Variants in PLXDC1 observed in about 807,000 individuals in gnomAD.
PLXDC1 encodes plexin domain-containing protein 1.
Under a neutral mutation model 61.3 loss-of-function variants are expected in PLXDC1, and 39 were observed. The observed-to-expected ratio is 0.64, with a 90% CI of 0.49 to 0.83. The LOEUF (loss-of-function observed/expected upper bound fraction) is 0.83, where lower values mean the gene tolerates loss of function less well. Among genes scored for constraint, PLXDC1 ranks in the 40% least tolerant of loss-of-function variants. The pLI is 0.00. For synonymous variants in PLXDC1, 212 were observed against 254.5 expected (o/e 0.83, Z 1.59); for missense variants, 596 against 666.5 (o/e 0.89, Z 1.17).
chr17:39,148,669 A>G (rs1189296134), intron 1 of PLXDC1, among the ~76,000 whole-genome samples: 1 of 152,174 alleles, frequency 6.6e-6, no homozygotes, highest in East Asian at 1.9e-4. Context: ...TCCTGACCTC[A>G]GGTGATCCGC....
intron 2 of PLXDC1, among the ~76,000 whole-genome samples, chr17:39,131,357 TTC>T (rs372374196): frequency 0.029 from 3,882 of 135,620 alleles, 196 homozygotes; most frequent in African/African-American, 0.11. Flanking sequence ...TCTTTTTCTT[TTC>T]TTTTTTTTTT....
intron 9 of PLXDC1, chr17:39,080,417 C>T (rs12947320): frequency 0.28 from 43,307 of 152,122 alleles, 6,771 homozygotes; most frequent in Admixed American, 0.43. Flanking sequence ...TGGGTCATGG[C>T]GGGGCGGGGG....
intron 1 of PLXDC1, among the ~76,000 whole-genome samples, chr17:39,147,850 C>A (rs908774579): frequency 6.6e-6 from 1 of 152,120 alleles, no homozygotes; most frequent in African/African-American, 2.4e-5. Flanking sequence ...TGGGGGGACA[C>A]AAGCCCTGTA....
intron 7 of PLXDC1, among the ~76,000 whole-genome samples, chr17:39,091,223 G>A (rs1202463215): frequency 6.6e-6 from 1 of 152,200 alleles, no homozygotes; most frequent in East Asian, 1.9e-4. Context: ...GTGGTGAATG[G>A]ACTGGGGACC....
intron 11 of PLXDC1, among the ~76,000 whole-genome samples, chr17:39,077,399 G>A (rs1234004096): frequency 6.6e-6 from 1 of 152,260 alleles, no homozygotes; most frequent in South Asian, 2.1e-4. Context: ...TGCAAGACCT[G>A]AATAGTCAGG....
intron 7 of PLXDC1, among the ~76,000 whole-genome samples, chr17:39,097,765 G>A (rs1483363855): frequency 6.6e-6 from 1 of 151,616 alleles, no homozygotes; most frequent in African/African-American, 2.4e-5. Context: ...AGCTGGGCAT[G>A]GTGGTACACA....
rs758234834 is a variant in PLXDC1 at position 39,139,735 on chromosome 17, C to T, written c.174G>A (p.Pro58=). The change falls in exon 2 of 14, where the codon CCG becomes CCA. Residue 58 remains proline (P), a synonymous_variant. Coordinates refer to ENST00000315392, the MANE Select transcript of PLXDC1 (RefSeq NM_020405.5). ...ARESPGHVSE[P]DRTQLSQDLG... ...GGTCCTGGCTCAGCTGGGTCCTGTC[C>T]GGCTCTGACACATGCCCAGGGCTCT... 33 of 1,613,924 alleles carry T rather than the reference C, an allele frequency of 2.0e-5. No homozygotes were observed. The highest frequency in any genetic ancestry group is 2.7e-5 in the Non-Finnish European group (32 of 1,180,022).
intron 10 of PLXDC1, among the ~76,000 whole-genome samples, chr17:39,078,815 C>T (rs1480268199): frequency 1.3e-5 from 2 of 152,200 alleles, no homozygotes; most frequent in African/African-American, 2.4e-5. Flanking sequence ...TGGCTGAGGC[C>T]ATGCCCAACA....
At chr17:39,122,550 C>T (rs1466715832) in intron 2 of PLXDC1, among the ~76,000 whole-genome samples, 23 of 152,104 alleles carry the variant, frequency 1.5e-4, no homozygotes, top group Non-Finnish European at 1.5e-5. Flanking sequence ...AACACCAGGC[C>T]AGTCTATCCC....
intron 7 of PLXDC1, among the ~76,000 whole-genome samples, chr17:39,094,611 G>A (rs751710604): frequency 2.6e-5 from 4 of 152,232 alleles, no homozygotes; most frequent in Non-Finnish European, 4.4e-5. Context: ...CACAAGCTCC[G>A]CTAAGACAGA....
At chr17:39,104,351 C>G (rs1261186563) in intron 7 of PLXDC1, among the ~76,000 whole-genome samples, 3 of 152,084 alleles carry the variant, frequency 2.0e-5, no homozygotes, top group South Asian at 4.1e-4. Flanking sequence ...AGAGCTGAGC[C>G]CCTAACACTC....
At chr17:39,075,361 C>T (rs190102561) in intron 11 of PLXDC1, among the ~76,000 whole-genome samples, 4 of 152,184 alleles carry the variant, frequency 2.6e-5, no homozygotes, top group South Asian at 2.1e-4. Flanking sequence ...TGGGAGCTGT[C>T]GGAATCTGCC....
At position 39,067,619 on chromosome 17, in the gene PLXDC1, T is replaced by G. The variant is rs2143189779; in HGVS notation, c.*221A>C. 4.0e-6 allele frequency: 2 copies of G among 500,158 alleles called. No homozygotes were observed. The highest frequency in any genetic ancestry group is 6.4e-5 in the East Asian group (2 of 31,340). The allele number at this position is 500,158 out of a possible 1,614,324, so 31.0% of individuals were successfully genotyped here. On this transcript the variant is annotated 3_prime_UTR_variant, in exon 14 of 14. Transcript: ENST00000315392. ...ACCCTTGCATCAAAACAGGATGAGA[T>G]TAGGTTGTTGTTCCTATAAAAAATC...
rs191097191 is a variant in PLXDC1, at chr17:39,139,984, G to A, written c.77-152C>T. 71 of 718,078 alleles carry A rather than the reference G, an allele frequency of 9.9e-5. No individual in the cohort carries two copies. In the African/African-American group the frequency reaches 1.0e-3, roughly 10 times the overall value. 44.5% of individuals were successfully genotyped at this position (718,078 alleles called of 1,614,324 possible). A position where few individuals can be genotyped will look rare whatever the true frequency, so the allele number is the denominator to read the frequency against. ...ACTACCAGGACAGGAGACACCCAAT[G>A]TGTACTGAGAGTCACGTGCCCAGCT... is the stretch of plus-strand genomic sequence containing the variant. On this transcript the variant is annotated intron_variant, in intron 1 of 13. Transcript: ENST00000315392.
intron 2 of PLXDC1, among the ~76,000 whole-genome samples, chr17:39,113,509 G>A (rs560955813): frequency 2.0e-4 from 30 of 152,194 alleles, no homozygotes; most frequent in African/African-American, 5.8e-4. Flanking sequence ...CAAAGGTTAC[G>A]CCCCTTCCGC....
Position 39,112,461 on chromosome 17 carries a change from T to C in PLXDC1, c.256-3070A>G, listed in dbSNP as rs550370070. Among the ~76,000 whole-genome samples, 22 of 146,502 alleles carry C rather than the reference T, an allele frequency of 1.5e-4. No individual in the cohort carries two copies. In the South Asian group the frequency reaches 3.3e-3, roughly 22 times the overall value. On this transcript the variant is annotated intron_variant, in intron 2 of 13. Transcript: ENST00000315392. ...AGCCCATCTTTTTTTTTCTTTCTTTTTTTTTTTTTTTTTTGAGACGGAGTC... is the reference window on the plus strand; with the variant it reads ...AGCCCATCTTTTTTTTTCTTTCTTTCTTTTTTTTTTTTTTGAGACGGAGTC...
rs1430921692 is a variant in PLXDC1 at position 39,070,028 on chromosome 17, T to A, written c.1223-12A>T. 3 of 1,604,740 alleles carry A rather than the reference T, an allele frequency of 1.9e-6. No individual in the cohort carries two copies. Among genetic ancestry groups the A allele is most frequent in the Non-Finnish European group, 2.6e-6 (3 of 1,172,610 alleles). Reference sequence around the variant, plus strand: ...GTTGTTCTGAAGGCCTGTGGAGAGATCATTAGGGCAGACAGGGGCTGCAGG... The same window carrying A: ...GTTGTTCTGAAGGCCTGTGGAGAGAACATTAGGGCAGACAGGGGCTGCAGG... On this transcript the variant is annotated splice_polypyrimidine_tract_variant and intron_variant, in intron 12 of 13. Transcript: ENST00000315392.
In PLXDC1 at chr17:39,145,781, C is replaced by T. The variant is rs73983234; in HGVS notation, c.76+5581G>A. On this transcript the variant is annotated intron_variant, in intron 1 of 13. Transcript: ENST00000315392. ...GGTTTGGAATCAGACAAGCTAGACA[C>T]TGAACCCTGAATCTACCACCTACTA... Among the ~76,000 whole-genome samples, 1,021 of 152,314 alleles carry T rather than the reference C, an allele frequency of 6.7e-3. 13 individuals carry two copies. The highest frequency in any genetic ancestry group is 0.023 in the African/African-American group (958 of 41,568).
intron 2 of PLXDC1, 115 bp from the exon 3 acceptor site, chr17:39,109,506 G>T: frequency 7.7e-7 from 1 of 1,302,026 alleles, no homozygotes; most frequent in Non-Finnish European, 1.1e-6. Context: ...ACCCTCCCAG[G>T]GTGCTGGACC....
Sources: gnomAD v4.1 joint callset for allele counts (sites outside exome capture counted in the v4.1 genomes callset) on GRCh38, gnomAD v4.1.1 for gene constraint, MANE v1.5 for transcripts, NCBI Gene and HGNC (gene_info 2026-07-23, HGNC 2026-07-21) for gene names.